The following BCAR3 variants were observed in gnomAD, a reference collection of about 807,000 sequenced individuals.
BCAR3 encodes the protein BCAR3 adaptor protein, NSP family member.
In BCAR3, 37 loss-of-function variants were observed where a neutral mutation model predicts 80.1. The ratio of observed to expected loss-of-function variants is 0.46; its 90% CI spans 0.36 to 0.61. The LOEUF is 0.61. BCAR3 is among the 20% of genes least tolerant of loss of function. BCAR3 has a pLI of 0.00. For synonymous variants in BCAR3, 389 were observed against 418.9 expected, an observed-to-expected ratio of 0.93 and a Z score of 0.87; for missense variants, 978 against 1,068.2, an observed-to-expected ratio of 0.92 and a Z score of 1.18.
chr1:93,661,997 C>T (rs1021422938), intron 2 of BCAR3, among the ~76,000 whole-genome samples: 5 of 152,308 alleles, frequency 3.3e-5, no homozygotes, highest in South Asian at 4.1e-4. Flanking sequence ...AGGGTTAACA[C>T]GTGATGCGAG....
chr1:93,692,335 T>C (rs1649222612), intron 3 of BCAR3, among the ~76,000 whole-genome samples: 1 of 152,178 alleles, frequency 6.6e-6, no homozygotes, highest in Admixed American at 6.5e-5. Flanking sequence ...GGAACTGCTT[T>C]TAATGGTGCT....
At chr1:93,736,707 T>C (rs1049187512) in intron 2 of BCAR3, among the ~76,000 whole-genome samples, 7 of 152,146 alleles carry the variant, frequency 4.6e-5, no homozygotes, top group African/African-American at 1.4e-4. Flanking sequence ...ACAGAGATGA[T>C]GGCCTCGTCA....
At chr1:93,630,230 A>C (rs1449681485) in intron 3 of BCAR3, among the ~76,000 whole-genome samples, 1 of 152,196 alleles carries the variant, frequency 6.6e-6, no homozygotes, top group African/African-American at 2.4e-5. Context: ...AAATTAAAAT[A>C]AACGCCCTTG....
At chr1:93,645,249 C>A (rs1409914935) in intron 2 of BCAR3, among the ~76,000 whole-genome samples, 1 of 151,650 alleles carries the variant, frequency 6.6e-6, no homozygotes, top group Non-Finnish European at 1.5e-5. Context: ...AAATCCTAGG[C>A]CAGAGCTCAG....
chr1:93,784,377 G>A (rs1293250305), intron 2 of BCAR3, among the ~76,000 whole-genome samples: 1 of 152,078 alleles, frequency 6.6e-6, no homozygotes, highest in Non-Finnish European at 1.5e-5. Context: ...TCAAGTGGGG[G>A]AACTGCCTGC....
rs111780343 is a variant in BCAR3 at position 93,575,777 on chromosome 1, C to T, written c.1802+237G>A. ...AGGCCATCTATTCTCTCCATCCACT[C>T]CTCCAGGAGCAGGGACGGGAACACA... is the stretch of plus-strand genomic sequence containing the variant. On this transcript the variant is annotated intron_variant, in intron 8 of 11. Transcript: ENST00000260502. 9.3e-4 allele frequency among the ~76,000 whole-genome samples: 141 copies of T among 152,316 alleles called. 1 individual carries two copies. The highest frequency in any genetic ancestry group is 3.2e-3 in the African/African-American group (135 of 41,558).
intron 3 of BCAR3, among the ~76,000 whole-genome samples, chr1:93,612,498 T>G (rs1447727487): frequency 1.3e-5 from 2 of 152,166 alleles, no homozygotes; most frequent in Admixed American, 1.3e-4. Flanking sequence ...CAGACCCAGA[T>G]ATTTATAGGC....
chr1:93,759,144 A>C (rs1240275993), intron 2 of BCAR3, among the ~76,000 whole-genome samples: 1 of 152,174 alleles, frequency 6.6e-6, no homozygotes. Context: ...GGCCCCTGAC[A>C]ACAATGTTTA....
intron 3 of BCAR3, among the ~76,000 whole-genome samples, chr1:93,618,743 A>G (rs1675214067): frequency 6.6e-6 from 1 of 152,180 alleles, no homozygotes; most frequent in South Asian, 2.1e-4. Flanking sequence ...CAAGCTCTCA[A>G]ATGGCAGACT....
Position 93,676,008 on chromosome 1 carries a change from ACT to A in BCAR3, c.-11-1069_-11-1068del, listed in dbSNP as rs534861491. On this transcript the variant is annotated intron_variant, in intron 1 of 11. Transcript: ENST00000260502. ...TGTCTTATACTAGTCATGATATCAG[ACT>A]CTGGTCTGGACAGCACTGCAGGGTG... 1.4e-4 allele frequency among the ~76,000 whole-genome samples: 21 copies of A among 150,058 alleles called. 1 individual carries two copies. In the East Asian group the frequency reaches 4.1e-3, roughly 29 times the overall value.
chr1:93,723,696 T>C (rs971577283), intron 2 of BCAR3, among the ~76,000 whole-genome samples: 1 of 152,184 alleles, frequency 6.6e-6, no homozygotes. Context: ...GAGGACTGAA[T>C]GATCCTGAGA....
intron 2 of BCAR3, among the ~76,000 whole-genome samples, chr1:93,739,607 T>C (rs1318846783): frequency 6.6e-6 from 1 of 152,238 alleles, no homozygotes; most frequent in South Asian, 2.1e-4. Context: ...TCTGCGATTG[T>C]CATCTTGCAA....
chr1:93,571,880 T>G (rs773525892), intron 8 of BCAR3, 39 bp from the exon 9 acceptor site: 25 of 1,591,310 alleles, frequency 1.6e-5, no homozygotes, highest in Non-Finnish European at 2.1e-5. Context: ...TCAGGGCCAA[T>G]GGGACTAGGA....
chr1:93,733,027 AC>A (rs1172941635), intron 2 of BCAR3, among the ~76,000 whole-genome samples: 1 of 152,232 alleles, frequency 6.6e-6, no homozygotes, highest in Non-Finnish European at 1.5e-5. Context: ...AGAAAGCAAC[AC>A]GAAATACAAA....
At chr1:93,568,012 C>T (rs1673030451) in intron 9 of BCAR3, 161 bp from the exon 10 acceptor site, 2 of 540,130 alleles carry the variant, frequency 3.7e-6, no homozygotes, top group Admixed American at 6.1e-5. Context: ...TATGGTGAAA[C>T]CCTGTCTCTA....
chr1:93,831,453 G>A (rs954128322), intron 2 of BCAR3, among the ~76,000 whole-genome samples: 11 of 152,130 alleles, frequency 7.2e-5, no homozygotes, highest in Admixed American at 2.6e-4. Context: ...GCCAGAGAAT[G>A]GCACTTTCGA....
In BCAR3 at chr1:93,672,477, C is replaced by A. The variant is rs542731421; in HGVS notation, c.317+2137G>T. Reference sequence around the variant, plus strand: ...TTTAAGTTAATAAATGAAAAGCGGTCCACCATAAGCCAGCTAACAGTTGGT... The same window carrying A: ...TTTAAGTTAATAAATGAAAAGCGGTACACCATAAGCCAGCTAACAGTTGGT... On this transcript the variant is annotated intron_variant, in intron 2 of 11. Transcript: ENST00000260502. Among the ~76,000 whole-genome samples the A allele has an allele frequency of 1.3e-3, 204 of 152,286 alleles. 2 individuals are homozygous for A. The highest frequency in any genetic ancestry group is 3.1e-4 in the Non-Finnish European group (21 of 68,038).
chr1:93,836,729 G>T (rs757678302), intron 2 of BCAR3, among the ~76,000 whole-genome samples: 1 of 152,138 alleles, frequency 6.6e-6, no homozygotes, highest in Non-Finnish European at 1.5e-5. Context: ...ATGGCCTGAA[G>T]TAACTGAAGA....
intron 2 of BCAR3, among the ~76,000 whole-genome samples, chr1:93,783,523 CACAA>C (rs1652837572): frequency 1.3e-5 from 2 of 151,916 alleles, no homozygotes; most frequent in East Asian, 1.9e-4. Flanking sequence ...ATAGAAAGAG[CACAA>C]ACATTCACCA....
Sources: allele counts gnomAD v4.1 joint callset (sites outside exome capture counted in the v4.1 genomes callset), GRCh38; gene constraint gnomAD v4.1.1; transcripts MANE v1.5; gene names NCBI Gene and HGNC (gene_info 2026-07-23, HGNC 2026-07-21).